Variants in PLD1 observed in about 807,000 individuals in gnomAD.
The protein encoded by PLD1 is phospholipase D1.
A neutral mutation model predicts 137.1 loss-of-function variants in PLD1; 112 were observed. That is an observed-to-expected ratio of 0.82 (90% CI 0.70 to 0.96). The LOEUF (loss-of-function observed/expected upper bound fraction) is 0.96, where lower values mean the gene tolerates loss of function less well. Among genes scored for constraint, PLD1 ranks in the 40% least tolerant of loss-of-function variants. The pLI is 0.00. For synonymous variants in PLD1, 431 were observed against 454.7 expected, an observed-to-expected ratio of 0.95 and a Z score of 0.66; for missense variants, 1,321 against 1,342.0, an observed-to-expected ratio of 0.98 and a Z score of 0.24.
chr3:171,794,356 G>A (rs1723344423), intron 1 of PLD1, among the ~76,000 whole-genome samples: 1 of 152,048 alleles, frequency 6.6e-6, no homozygotes, highest in Non-Finnish European at 1.5e-5. Context: ...CGTGTATAGG[G>A]TTCAGTACTG....
chr3:171,628,216 G>A (rs1427516576), intron 23 of PLD1, among the ~76,000 whole-genome samples: 1 of 152,196 alleles, frequency 6.6e-6, no homozygotes, highest in Non-Finnish European at 1.5e-5. Flanking sequence ...ACTAACATCA[G>A]AGAATACTAC....
intron 12 of PLD1, among the ~76,000 whole-genome samples, chr3:171,693,800 G>A (rs1192370899): frequency 3.9e-5 from 6 of 151,954 alleles, no homozygotes; most frequent in African/African-American, 1.5e-4. Context: ...AAATAATTTT[G>A]TTACAGTTTA....
chr3:171,619,863 C>T (rs1733439175), intron 24 of PLD1, among the ~76,000 whole-genome samples: 1 of 151,904 alleles, frequency 6.6e-6, no homozygotes, highest in Admixed American at 6.6e-5. Flanking sequence ...GTAGAAGAAT[C>T]ATTTGAGACC....
At chr3:171,640,865 C>T (rs1735674877) in intron 23 of PLD1, among the ~76,000 whole-genome samples, 1 of 152,236 alleles carries the variant, frequency 6.6e-6, no homozygotes, top group African/African-American at 2.4e-5. Context: ...GATTTTTAGT[C>T]AGCTTCTTGC....
At chr3:171,731,778 G>T (rs992942769) in intron 6 of PLD1, among the ~76,000 whole-genome samples, 1 of 144,612 alleles carries the variant, frequency 6.9e-6, no homozygotes, top group Non-Finnish European at 1.5e-5. Context: ...TCCCAAAAAA[G>T]AAAAAAAAAA....
intron 21 of PLD1, among the ~76,000 whole-genome samples, chr3:171,652,075 A>C (rs1040660592): frequency 6.6e-6 from 1 of 152,230 alleles, no homozygotes; most frequent in African/African-American, 2.4e-5. Context: ...CTTGGGAGTT[A>C]TCCCACAAGA....
At position 171,713,960 on chromosome 3, in the gene PLD1, AT is replaced by A. The variant is rs1309185566; in HGVS notation, c.843del (p.Glu281AspfsTer28). 1 of 1,612,576 alleles carries A rather than the reference AT, an allele frequency of 6.2e-7. No homozygotes were observed. The highest frequency in any genetic ancestry group is 1.1e-5 in the South Asian group (1 of 91,046). On this transcript the variant is annotated frameshift_variant, in exon 9 of 27. Coordinates refer to ENST00000351298, the MANE Select transcript of PLD1 (RefSeq NM_002662.5). LOFTEE classifies it high-confidence loss of function. ...AIAFVLLVDK[E>X]FKIKVGKKET... Reference sequence around the variant, plus strand: ...TCCTTCTTCCCCACCTTAATTTTGAATTCTTTGTCTACCAGCAGGACGAAGG... The same window carrying A: ...TCCTTCTTCCCCACCTTAATTTTGAATCTTTGTCTACCAGCAGGACGAAGG...
intron 1 of PLD1, chr3:171,789,507 C>T (rs1027870599): frequency 6.6e-6 from 1 of 152,064 alleles, no homozygotes; most frequent in African/African-American, 2.4e-5. Flanking sequence ...GATAAGAGCC[C>T]CTTTGGGCAG....
At chr3:171,683,538 T>TCAGA (rs61517581) in intron 16 of PLD1, among the ~76,000 whole-genome samples, 71,182 of 151,722 alleles carry the variant, frequency 0.47, 17,143 homozygotes, top group African/African-American at 0.56. Flanking sequence ...ACACCCTCTC[T>TCAGA]CAGTTTCTTA....
chr3:171,686,660 T>A (rs749537215), intron 16 of PLD1, 25 bp downstream of exon 16: 2 of 1,158,126 alleles, frequency 1.7e-6, no homozygotes, highest in African/African-American at 3.1e-5. Flanking sequence ...CCTAAGGGAG[T>A]TCTGCCACTT....
chr3:171,658,395 A>T (rs926000644), intron 21 of PLD1, among the ~76,000 whole-genome samples: 2 of 152,234 alleles, frequency 1.3e-5, no homozygotes, highest in Non-Finnish European at 2.9e-5. Flanking sequence ...AAAAGTAGAA[A>T]CAACCCAAAT....
rs372599119 is a variant in PLD1, at chr3:171,664,207, AT to A, written c.2230-2038del. ...GATAAATATTATCCACACTGGAAAA[AT>A]ATCATGATTTTACATCATCTCCAAG... On this transcript the variant is annotated intron_variant, in intron 19 of 26. Coordinates refer to ENST00000351298, the MANE Select transcript of PLD1 (RefSeq NM_002662.5). Among the ~76,000 whole-genome samples the A allele has an allele frequency of 5.4e-4, 82 of 151,816 alleles. No individual in the cohort carries two copies. The East Asian group carries it at 0.016, about 29-fold the overall frequency.
At chr3:171,695,333 T>C (rs1715585327) in intron 12 of PLD1, among the ~76,000 whole-genome samples, 4 of 152,206 alleles carry the variant, frequency 2.6e-5, no homozygotes, top group African/African-American at 9.6e-5. Context: ...AAATTACTTT[T>C]TGCTTAAAGA....
intron 25 of PLD1, 99 bp from the exon 26 acceptor site, chr3:171,605,515 T>G: frequency 1.4e-6 from 1 of 721,958 alleles, no homozygotes; most frequent in Non-Finnish European, 2.5e-6. Flanking sequence ...CAAATATATA[T>G]ATGCAAATTA....
At chr3:171,700,808 G>A (rs1397114931) in intron 11 of PLD1, among the ~76,000 whole-genome samples, 1 of 152,176 alleles carries the variant, frequency 6.6e-6, no homozygotes, top group Non-Finnish European at 1.5e-5. Flanking sequence ...GGTAAGCTAA[G>A]CTTCACAAGG....
At chr3:171,774,392 G>A (rs947487906) in intron 1 of PLD1, among the ~76,000 whole-genome samples, 5 of 152,198 alleles carry the variant, frequency 3.3e-5, no homozygotes, top group African/African-American at 1.2e-4. Flanking sequence ...AAGGGTAAAC[G>A]GGGTGGGGGA....
chr3:171,782,677 G>GTT (rs1373550096), intron 1 of PLD1, among the ~76,000 whole-genome samples: 5 of 152,166 alleles, frequency 3.3e-5, no homozygotes, highest in Non-Finnish European at 7.3e-5. Context: ...TTTACAAGAT[G>GTT]TTGTTAGAAG....
In PLD1 at chr3:171,638,184, C is replaced by CA. The variant is rs1040418705; in HGVS notation, c.2593+4655dup. On this transcript the variant is annotated intron_variant, in intron 23 of 26. Coordinates refer to ENST00000351298, the MANE Select transcript of PLD1 (RefSeq NM_002662.5). The stretch of plus-strand genomic sequence containing the variant: ...TGGGCGACAGAGCGAGACTCCGTCT[C>CA]AAAAAAAAAAAAAAAAAAAAAAAGA... Among the ~76,000 whole-genome samples, 601 of 65,746 alleles carry CA rather than the reference C, an allele frequency of 9.1e-3. 4 individuals are homozygous for CA. Among genetic ancestry groups the CA allele is most frequent in the East Asian group, 0.018 (34 of 1,910 alleles). The allele number at this position is 65,746 out of a possible 152,430, so 43.1% of individuals were successfully genotyped here. A position where few individuals can be genotyped will look rare whatever the true frequency, so the allele number is the denominator to read the frequency against.
intron 19 of PLD1, among the ~76,000 whole-genome samples, chr3:171,663,627 AAAG>A (rs1711760654): frequency 6.6e-6 from 1 of 152,216 alleles, no homozygotes; most frequent in Non-Finnish European, 1.5e-5. Flanking sequence ...GAGAACATGG[AAAG>A]AAGGTGTTCT....
Sources: gnomAD v4.1 joint callset for allele counts (sites outside exome capture counted in the v4.1 genomes callset) on GRCh38, gnomAD v4.1.1 for gene constraint, MANE v1.5 for transcripts, NCBI Gene and HGNC (gene_info 2026-07-23, HGNC 2026-07-21) for gene names.